The following EIF4A3 variants were observed in gnomAD, a reference collection of about 807,000 sequenced individuals.
EIF4A3 encodes the protein eukaryotic translation initiation factor 4A3.
A neutral mutation model predicts 55.6 loss-of-function variants in EIF4A3; 1 was observed. That is an observed-to-expected ratio of 0.02 (90% CI 0.01 to 0.09). The LOEUF (loss-of-function observed/expected upper bound fraction) is 0.09, where lower values mean the gene tolerates loss of function less well. Among genes scored for constraint, EIF4A3 ranks in the 10% least tolerant of loss-of-function variants. The pLI is 1.00. For synonymous variants in EIF4A3, 194 were observed against 196.3 expected (o/e 0.99, Z 0.10); for missense variants, 221 against 540.7 (o/e 0.41, Z 5.86).
rs1440219830 is a variant in EIF4A3, at chr17:80,135,382, GAGA to G, written c.*105_*107del. 3.0e-6 allele frequency: 4 copies of G among 1,317,586 alleles called. No individual in the cohort carries two copies. Among genetic ancestry groups the G allele is most frequent in the Admixed American group, 6.4e-5 (2 of 31,310 alleles). The allele number at this position is 1,317,586 out of a possible 1,614,324, so 81.6% of individuals were successfully genotyped here. On this transcript the variant is annotated 3_prime_UTR_variant, in exon 12 of 12. Transcript: ENST00000649764. ...GGAAGGGAGACGGCAGGCCATTTAT[GAGA>G]AGAAAGTCCATATAAACCCCATTAA...
At chr17:80,145,695 G>A (rs374904596) in intron 1 of EIF4A3, among the ~76,000 whole-genome samples, 14 of 152,080 alleles carry the variant, frequency 9.2e-5, no homozygotes, top group East Asian at 3.8e-4. Flanking sequence ...TCTTCTCCAG[G>A]CTCTCCCTCA....
rs151211057 is a variant in EIF4A3 at position 80,143,333 on chromosome 17, T to A, written c.242+839A>T. Among the ~76,000 whole-genome samples the A allele has an allele frequency of 2.3e-3, 350 of 152,344 alleles. 2 individuals are homozygous for A. Among genetic ancestry groups the A allele is most frequent in the African/African-American group, 8.0e-3 (333 of 41,574 alleles). ...TGTTTCCCTGAGTTCTTTGAGCTGC[T>A]GTTCCAGCAAATTAATCCAACCTAA... is the stretch of plus-strand genomic sequence containing the variant. On this transcript the variant is annotated intron_variant, in intron 2 of 11. Transcript: ENST00000649764.
At chr17:80,145,230 C>G (rs987441812) in intron 1 of EIF4A3, among the ~76,000 whole-genome samples, 1 of 152,196 alleles carries the variant, frequency 6.6e-6, no homozygotes, top group Non-Finnish European at 1.5e-5. Flanking sequence ...GCATCCTCAG[C>G]AACTTCGCTT....
chr17:80,146,824 C>G lies in EIF4A3; in HGVS notation c.138G>C (p.Arg46=). The change falls in exon 1 of 12, where the codon CGG becomes CGC. Residue 46 remains arginine, a synonymous_variant. Coordinates refer to ENST00000649764, the MANE Select transcript of EIF4A3 (RefSeq NM_014740.4). ...CGTAGATGCCCCGCAGCAGGTCCTCCCGCAGGCCCATGGTGTCGAACGTGG... is the reference window on the plus strand; with the variant it reads ...CGTAGATGCCCCGCAGCAGGTCCTCGCGCAGGCCCATGGTGTCGAACGTGG... ...VTPTFDTMGL[R]EDLLRGIYAY... 6.2e-7 allele frequency: 1 copy of G among 1,610,846 alleles called. No individual in the cohort carries two copies. Among genetic ancestry groups the G allele is most frequent in the Non-Finnish European group, 8.5e-7 (1 of 1,179,076 alleles).
At chr17:80,141,488 T>A in intron 3 of EIF4A3, 107 bp from the exon 4 acceptor site, 3 of 1,158,574 alleles carry the variant, frequency 2.6e-6, no homozygotes, top group Non-Finnish European at 3.8e-6. Context: ...ATATTAATCA[T>A]ACTTCTCATC....
intron 1 of EIF4A3, among the ~76,000 whole-genome samples, chr17:80,145,952 T>C (rs1335546658): frequency 2.0e-5 from 3 of 152,104 alleles, no homozygotes; most frequent in African/African-American, 7.2e-5. Flanking sequence ...TCTTGTTTCC[T>C]CTCCTGCCTT....
chr17:80,140,751 CT>C (rs1317533674), intron 4 of EIF4A3, among the ~76,000 whole-genome samples: 1 of 152,110 alleles, frequency 6.6e-6, no homozygotes, highest in Non-Finnish European at 1.5e-5. Context: ...TAATATACAT[CT>C]TTTTAAACAT....
At chr17:80,138,929 C>G (rs147471756) in intron 7 of EIF4A3, 92 bp downstream of exon 7, 3 of 1,522,520 alleles carry the variant, frequency 2.0e-6, no homozygotes, top group African/African-American at 1.4e-5. Context: ...CACAGCCAGA[C>G]TCTGGCTATA....
intron 1 of EIF4A3, among the ~76,000 whole-genome samples, chr17:80,144,729 G>C (rs185004664): frequency 6.6e-6 from 1 of 152,030 alleles, no homozygotes; most frequent in African/African-American, 2.4e-5. Context: ...TCTCCTACTA[G>C]CTAGCATTAA....
At chr17:80,146,696 A>G (rs1038557308) in intron 1 of EIF4A3, 97 bp downstream of exon 1, 3 of 1,402,804 alleles carry the variant, frequency 2.1e-6, no homozygotes, top group African/African-American at 3.0e-5. Flanking sequence ...CGACCTCCGG[A>G]GCGCAGGGCC....
chr17:80,139,758 A>G lies in EIF4A3; in HGVS notation c.506-8T>C. The G allele has an allele frequency of 1.2e-6, 2 of 1,611,576 alleles. No homozygotes were observed. Among genetic ancestry groups the G allele is most frequent in the Non-Finnish European group, 1.7e-6 (2 of 1,178,996 alleles). ...TTCTGCGACGAATCATATCTATAAC[A>G]TGAGATTTTGAAATACTTACGACAA... On this transcript the variant is annotated splice_polypyrimidine_tract_variant and splice_region_variant and intron_variant, in intron 5 of 11. Coordinates refer to ENST00000649764, the MANE Select transcript of EIF4A3 (RefSeq NM_014740.4).
At position 80,134,823 on chromosome 17, in the gene EIF4A3, C is replaced by T. The variant is rs1488584934; in HGVS notation, c.*667G>A. On this transcript the variant is annotated 3_prime_UTR_variant, in exon 12 of 12. Coordinates refer to ENST00000649764, the MANE Select transcript of EIF4A3 (RefSeq NM_014740.4). ...TGGGCAGCAGAGCAAAACTCATCAA[C>T]GATGAAACTCTTTCCAAAAAAAAAG... 2.0e-5 allele frequency among the ~76,000 whole-genome samples: 3 copies of T among 151,712 alleles called. No individual in the cohort carries two copies. Among genetic ancestry groups the T allele is most frequent in the African/African-American group, 7.3e-5 (3 of 41,272 alleles).
chr17:80,141,176 G>T, intron 4 of EIF4A3, 143 bp downstream of exon 4: 2 of 810,254 alleles, frequency 2.5e-6, no homozygotes, highest in Non-Finnish European at 3.8e-6. Context: ...TTTATATAAT[G>T]ATTAATGGCA....
intron 9 of EIF4A3, chr17:80,137,023 A>C (rs929535553): frequency 5.7e-6 from 1 of 176,936 alleles, no homozygotes; most frequent in Non-Finnish European, 1.2e-5. Flanking sequence ...CAAAGAAGGA[A>C]GTCTGAATCA....
intron 2 of EIF4A3, among the ~76,000 whole-genome samples, chr17:80,142,988 G>A (rs1281642626): frequency 6.6e-6 from 1 of 152,154 alleles, no homozygotes; most frequent in Non-Finnish European, 1.5e-5. Context: ...TCACACGACT[G>A]CACTCCAGTC....
At chr17:80,146,697 G>A (rs956513284) in intron 1 of EIF4A3, 96 bp downstream of exon 1, 1 of 1,415,522 alleles carries the variant, frequency 7.1e-7, no homozygotes, top group Non-Finnish European at 9.3e-7. Flanking sequence ...GACCTCCGGA[G>A]CGCAGGGCCG....
At chr17:80,138,085 C>G in intron 8 of EIF4A3, 57 bp downstream of exon 8, 1 of 1,581,814 alleles carries the variant, frequency 6.3e-7, no homozygotes, top group Non-Finnish European at 8.6e-7. Context: ...TTATGTCATT[C>G]AGAGACTCAA....
At chr17:80,146,703 G>A (rs1203885390) in intron 1 of EIF4A3, 90 bp downstream of exon 1, 1 of 1,444,700 alleles carries the variant, frequency 6.9e-7, no homozygotes, top group African/African-American at 1.5e-5. Flanking sequence ...CGGAGCGCAG[G>A]GCCGGCCCGG....
At chr17:80,138,361 G>A (rs2039590304) in intron 7 of EIF4A3, 81 bp from the exon 8 acceptor site, 9 of 1,553,296 alleles carry the variant, frequency 5.8e-6, no homozygotes, top group African/African-American at 1.4e-5. Context: ...GATCCAGGGA[G>A]ACCCTGGTGG....
Sources: gnomAD v4.1 joint callset for allele counts (sites outside exome capture counted in the v4.1 genomes callset) on GRCh38, gnomAD v4.1.1 for gene constraint, MANE v1.5 for transcripts, NCBI Gene and HGNC (gene_info 2026-07-23, HGNC 2026-07-21) for gene names.